ATXN1: variants seen among roughly 807,000 people sequenced by gnomAD.
ATXN1 encodes ataxin-1.
Under a neutral mutation model 56.4 loss-of-function variants are expected in ATXN1, and 8 were observed. The ratio of observed to expected loss-of-function variants is 0.14; its 90% CI spans 0.08 to 0.26. ATXN1 has a LOEUF of 0.26. ATXN1 is among the 10% of genes least tolerant of loss of function. The pLI is 1.00. For synonymous variants in ATXN1, 514 were observed against 494.6 expected, an observed-to-expected ratio of 1.04 and a Z score of -0.52; for missense variants, 987 against 1,106.5, an observed-to-expected ratio of 0.89 and a Z score of 1.53.
At position 16,326,948 on chromosome 6, in the gene ATXN1, C is replaced by G; in HGVS notation, c.1363G>C (p.Ala455Pro). The G allele has an allele frequency of 6.2e-7, 1 of 1,614,076 alleles. No individual in the cohort carries two copies. The highest frequency in any genetic ancestry group is 8.5e-7 in the Non-Finnish European group (1 of 1,180,010). ...PVGLPATAFYAGTQPPVIGYL... is the reference protein window; with the variant it reads ...PVGLPATAFYPGTQPPVIGYL... Reference sequence around the variant, plus strand: ...CCGATGACAGGGGGTTGAGTCCCTGCGTAGAAGGCCGTGGCTGGCAGTCCC... The same window carrying G: ...CCGATGACAGGGGGTTGAGTCCCTGGGTAGAAGGCCGTGGCTGGCAGTCCC... The change falls in exon 7 of 8, where the codon GCA becomes CCA. Residue 455 changes from alanine (A) to proline (P), a missense_variant. This residue lies in a region of ATXN1 where 723 missense variants were observed against 791.7 expected (regional missense o/e 0.91). Coordinates refer to ENST00000436367, the MANE Select transcript of ATXN1 (RefSeq NM_001128164.2). The surrounding 1 kb of genome is among the most constrained non-coding windows in gnomAD (Gnocchi z 6.6).
intron 3 of ATXN1, chr6:16,616,101 T>C (rs906591637): frequency 7.2e-5 from 11 of 152,130 alleles, no homozygotes; most frequent in African/African-American, 2.7e-4. Flanking sequence ...CCATTATTAT[T>C]TGGCATACCA....
intron 6 of ATXN1, among the ~76,000 whole-genome samples, chr6:16,418,338 G>T (rs2113561715): frequency 6.6e-6 from 1 of 152,264 alleles, no homozygotes; most frequent in Non-Finnish European, 1.5e-5. Context: ...GTACAGAAAT[G>T]GAATCGGTTT....
rs142442939 is a variant in ATXN1, at chr6:16,435,573, G to C, written c.-161+50399C>G. Among the ~76,000 whole-genome samples, 1,180 of 152,152 alleles carry C rather than the reference G, an allele frequency of 7.8e-3. 15 individuals are homozygous for C. The highest frequency in any genetic ancestry group is 0.027 in the African/African-American group (1,110 of 41,482). Reference sequence around the variant, plus strand: ...CAGAATTGGCAAAGCTGTGGAGAAAGTGAGATGAGAACTCCTATTAAAAAC... The same window carrying C: ...CAGAATTGGCAAAGCTGTGGAGAAACTGAGATGAGAACTCCTATTAAAAAC... On this transcript the variant is annotated intron_variant, in intron 6 of 7. Coordinates refer to ENST00000436367, the MANE Select transcript of ATXN1 (RefSeq NM_001128164.2).
At chr6:16,656,815 C>A (rs1758212489) in intron 3 of ATXN1, among the ~76,000 whole-genome samples, 1 of 152,098 alleles carries the variant, frequency 6.6e-6, no homozygotes, top group African/African-American at 2.4e-5. Context: ...GTACACCCTA[C>A]TACACGCCTG....
chr6:16,752,131 A>G (rs1324640965), intron 2 of ATXN1, among the ~76,000 whole-genome samples: 1 of 152,200 alleles, frequency 6.6e-6, no homozygotes, highest in African/African-American at 2.4e-5. Flanking sequence ...CTCTTTCTTC[A>G]AAGAAATCTG....
rs1760255092 is a variant in ATXN1, at chr6:16,306,528, A to C, written c.2249T>G (p.Met750Arg). ...ENGELKFPEK[M>R]GLPAAPFLTK... ...GAGGAAGGGCGCTGCAGGCAATCCC[A>C]TTTTCTCTGGAAACTTCAGTTCGCC... is the stretch of plus-strand genomic sequence containing the variant. The change falls in exon 8 of 8, where the codon ATG becomes AGG. Residue 750 changes from methionine to arginine, a missense_variant. Coordinates refer to ENST00000436367, the MANE Select transcript of ATXN1 (RefSeq NM_001128164.2). This position sits in a 1 kb window ranked among gnomAD's most constrained non-coding sequence, Gnocchi z 5.2. 1 of 1,613,590 alleles carries C rather than the reference A, an allele frequency of 6.2e-7. No homozygotes were observed. Among genetic ancestry groups the C allele is most frequent in the Admixed American group, 1.7e-5 (1 of 59,976 alleles).
chr6:16,339,511 A>G (rs1183667399), intron 6 of ATXN1, among the ~76,000 whole-genome samples: 1 of 152,224 alleles, frequency 6.6e-6, no homozygotes, highest in Non-Finnish European at 1.5e-5. Context: ...CAAAGACCCC[A>G]AGACCTCCCG....
intron 3 of ATXN1, among the ~76,000 whole-genome samples, chr6:16,653,251 C>T (rs970230764): frequency 2.0e-5 from 3 of 152,202 alleles, no homozygotes; most frequent in African/African-American, 7.2e-5. Context: ...ACCAGGCATG[C>T]CCTTGCTGGA....
intron 6 of ATXN1, among the ~76,000 whole-genome samples, chr6:16,361,850 A>G (rs1581713947): frequency 6.6e-6 from 1 of 152,286 alleles, no homozygotes; most frequent in East Asian, 1.9e-4. Flanking sequence ...CTAAATGGTC[A>G]ATGTTTCTGT....
intron 6 of ATXN1, among the ~76,000 whole-genome samples, chr6:16,342,908 G>A (rs943391807): frequency 1.3e-5 from 2 of 152,212 alleles, no homozygotes; most frequent in Non-Finnish European, 2.9e-5. Flanking sequence ...CAGAATTTCA[G>A]TTTGGTATGA....
intron 6 of ATXN1, among the ~76,000 whole-genome samples, chr6:16,445,196 C>T (rs752904629): frequency 3.9e-5 from 6 of 151,946 alleles, no homozygotes; most frequent in South Asian, 2.1e-4. Flanking sequence ...TGAATACTGA[C>T]GGGATATTTG....
At chr6:16,420,685 A>G (rs1434001469) in intron 6 of ATXN1, among the ~76,000 whole-genome samples, 4 of 152,230 alleles carry the variant, frequency 2.6e-5, no homozygotes, top group African/African-American at 9.6e-5. Context: ...ATTATTAGAA[A>G]GTGAGAAAAC....
At chr6:16,480,484 G>A (rs935498203) in intron 6 of ATXN1, among the ~76,000 whole-genome samples, 10 of 151,858 alleles carry the variant, frequency 6.6e-5, no homozygotes, top group Admixed American at 2.0e-4. Context: ...CGTCCCTTTC[G>A]GTACACCTGA....
intron 6 of ATXN1, among the ~76,000 whole-genome samples, chr6:16,365,780 T>A (rs1761905553): frequency 6.6e-6 from 1 of 152,196 alleles, no homozygotes; most frequent in Non-Finnish European, 1.5e-5. Context: ...ATGACCTCAT[T>A]TTTAAAAAAT....
chr6:16,705,412 C>T (rs748131207), intron 2 of ATXN1, among the ~76,000 whole-genome samples: 2 of 152,080 alleles, frequency 1.3e-5, no homozygotes, highest in Non-Finnish European at 2.9e-5. Context: ...CAGTAAGTCA[C>T]GGAGGCCGTT....
chr6:16,503,466 C>T lies in ATXN1; in HGVS notation c.-298-17357G>A, dbSNP rs535362155. ...TCCATGCTGTCCCTTGGCAGGTGAT[C>T]TCTTTATGTCCATCTTCTCTTTGAC... On this transcript the variant is annotated intron_variant, in intron 5 of 7. Coordinates refer to ENST00000436367, the MANE Select transcript of ATXN1 (RefSeq NM_001128164.2). Among the ~76,000 whole-genome samples the T allele has an allele frequency of 2.0e-5, 3 of 152,316 alleles. No individual in the cohort carries two copies. The East Asian group carries it at 5.8e-4, about 29-fold the overall frequency.
At chr6:16,605,325 G>C (rs10456785) in intron 3 of ATXN1, among the ~76,000 whole-genome samples, 125,593 of 152,090 alleles carry the variant, frequency 0.83, 52,331 homozygotes, top group East Asian at 0.98. Flanking sequence ...TTACGCCAAC[G>C]CTTTCACTTC....
intron 6 of ATXN1, among the ~76,000 whole-genome samples, chr6:16,419,286 T>C (rs986644546): frequency 2.6e-5 from 4 of 152,170 alleles, no homozygotes; most frequent in Non-Finnish European, 5.9e-5. Flanking sequence ...ATGTAAATAT[T>C]TTAGCACAGT....
At chr6:16,641,385 G>A (rs1364311027) in intron 3 of ATXN1, among the ~76,000 whole-genome samples, 1 of 152,204 alleles carries the variant, frequency 6.6e-6, no homozygotes, top group Non-Finnish European at 1.5e-5. Context: ...GGCAAATGCA[G>A]CTAGTGACTT....
Sources: allele counts gnomAD v4.1 joint callset (sites outside exome capture counted in the v4.1 genomes callset), GRCh38; gene constraint gnomAD v4.1.1; regional missense constraint gnomAD v4.1.1; non-coding constraint Gnocchi (gnomAD v3.1); transcripts MANE v1.5; gene names NCBI Gene and HGNC (gene_info 2026-07-23, HGNC 2026-07-21).